Variants in TOP6BL observed in about 807,000 individuals in gnomAD.
The protein encoded by TOP6BL is type 2 DNA topoisomerase 6 subunit B-like.
the TOP6BL span, chr11:66,744,848 G>T: frequency 3.9e-5 from 52 of 1,324,640 alleles, 1 homozygote; most frequent in African/African-American, 7.5e-4. Flanking sequence ...GGCGGCGGGC[G>T]GGTACCCTTC....
the TOP6BL span, chr11:66,748,416 T>G: frequency 6.5e-7 from 1 of 1,546,638 alleles, no homozygotes; most frequent in African/African-American, 1.4e-5. Context: ...AAGTGTGACA[T>G]AGATGTATCA....
chr11:66,780,065 C>A, the TOP6BL span, among the ~76,000 whole-genome samples: 1 of 151,338 alleles, frequency 6.6e-6, no homozygotes, highest in Non-Finnish European at 1.5e-5. Context: ...TGTTAAATGG[C>A]GAGTTACTGG....
At chr11:66,763,915 A>G in the TOP6BL span, among the ~76,000 whole-genome samples, 1 of 152,150 alleles carries the variant, frequency 6.6e-6, no homozygotes, top group Non-Finnish European at 1.5e-5. Flanking sequence ...CAAGATTTTT[A>G]TTTTAGCTCC....
chr11:66,822,948 G>T, the TOP6BL span, among the ~76,000 whole-genome samples: 2 of 150,888 alleles, frequency 1.3e-5, no homozygotes, highest in East Asian at 3.9e-4. Context: ...AGGCTGAGCC[G>T]TGATCATGCC....
chr11:66,758,302 C>CTTTTTTTTTTTTTCTTTTTTTTTT, the TOP6BL span: 2 of 67,318 alleles, frequency 3.0e-5, no homozygotes, highest in Non-Finnish European at 4.9e-5. Context: ...TTTTCTTTTT[C>CTTTTTTTTTTTTTCTTTTTTTTTT]TTTTTTTTTT....
chr11:66,792,097 G>A, the TOP6BL span, among the ~76,000 whole-genome samples: 1 of 151,936 alleles, frequency 6.6e-6, no homozygotes, highest in Non-Finnish European at 1.5e-5. Context: ...GGCGTGAGCC[G>A]CCGCACCCAG....
chr11:66,770,074 G>A, the TOP6BL span, among the ~76,000 whole-genome samples: 2 of 151,992 alleles, frequency 1.3e-5, no homozygotes, highest in Admixed American at 1.3e-4. Context: ...AGAAGAGGAA[G>A]GGAGAGAGAG....
chr11:66,811,858 G>T, the TOP6BL span, among the ~76,000 whole-genome samples: 1 of 152,128 alleles, frequency 6.6e-6, no homozygotes, highest in Non-Finnish European at 1.5e-5. Context: ...AGAGAGGCTC[G>T]CTTGAGCACA....
At chr11:66,760,871 A>G in the TOP6BL span, among the ~76,000 whole-genome samples, 1 of 152,092 alleles carries the variant, frequency 6.6e-6, no homozygotes, top group Non-Finnish European at 1.5e-5. Context: ...TATAAAATAA[A>G]TGTTTATGAA....
the TOP6BL span, among the ~76,000 whole-genome samples, chr11:66,777,063 C>CTA: frequency 4.0e-5 from 6 of 150,012 alleles, no homozygotes; most frequent in South Asian, 2.1e-4. Flanking sequence ...ATATCTATAT[C>CTA]TATATATCTA....
the TOP6BL span, chr11:66,801,019 T>G: frequency 6.2e-7 from 1 of 1,613,608 alleles, no homozygotes. Context: ...TTAGCTTTGC[T>G]TTGCTTTGCA....
chr11:66,781,303 T>C, the TOP6BL span, among the ~76,000 whole-genome samples: 6 of 152,294 alleles, frequency 3.9e-5, no homozygotes, highest in African/African-American at 1.4e-4. Context: ...TCAGTGATTT[T>C]ACTGACTCTT....
chr11:66,748,279 G>A, the TOP6BL span: 1 of 927,248 alleles, frequency 1.1e-6, no homozygotes, highest in Non-Finnish European at 1.5e-6. Flanking sequence ...ACAATTTTTG[G>A]GGGGAAATTA....
At chr11:66,836,221 T>C in the TOP6BL span, among the ~76,000 whole-genome samples, 34 of 151,960 alleles carry the variant, frequency 2.2e-4, no homozygotes, top group Non-Finnish European at 3.5e-4. Flanking sequence ...CCATTTGCTG[T>C]TGTTGTTGTT....
chr11:66,758,120 G>T, the TOP6BL span: 1 of 984,094 alleles, frequency 1.0e-6, no homozygotes, highest in Non-Finnish European at 1.2e-6. Flanking sequence ...TTTCTCTGGG[G>T]AAGGGCATAT....
At chr11:66,815,472 A>G in the TOP6BL span, among the ~76,000 whole-genome samples, 1 of 152,202 alleles carries the variant, frequency 6.6e-6, no homozygotes, top group African/African-American at 2.4e-5. Flanking sequence ...ATACAAATAT[A>G]TAGTATTGGG....
At chr11:66,764,841 T>G in the TOP6BL span, among the ~76,000 whole-genome samples, 1 of 151,254 alleles carries the variant, frequency 6.6e-6, no homozygotes, top group South Asian at 2.1e-4. Context: ...CAGCTAGGTG[T>G]GCCTGGGGTC....
the TOP6BL span, among the ~76,000 whole-genome samples, chr11:66,797,649 T>C: frequency 1.3e-5 from 2 of 151,956 alleles, no homozygotes; most frequent in African/African-American, 4.8e-5. Flanking sequence ...GGATTACAGG[T>C]GTGCACCACC....
the TOP6BL span, among the ~76,000 whole-genome samples, chr11:66,824,158 G>A: frequency 2.0e-5 from 3 of 152,020 alleles, no homozygotes; most frequent in African/African-American, 7.2e-5. Flanking sequence ...CCTAACCCCC[G>A]AACTGATAAT....
Sources: allele counts gnomAD v4.1 joint callset (sites outside exome capture counted in the v4.1 genomes callset), GRCh38; gene constraint gnomAD v4.1.1; transcripts MANE v1.5; gene names NCBI Gene and HGNC (gene_info 2026-07-23, HGNC 2026-07-21).